ADAMTS9: variants seen among roughly 807,000 people sequenced by gnomAD.
ADAMTS9 encodes ADAM metallopeptidase with thrombospondin type 1 motif 9.
In ADAMTS9, 107 loss-of-function variants were observed where a neutral mutation model predicts 257.1. That is an observed-to-expected ratio of 0.42 (90% CI 0.36 to 0.49). ADAMTS9 has a LOEUF of 0.49. Among genes scored for constraint, ADAMTS9 ranks in the 20% least tolerant of loss-of-function variants. The pLI is 0.03. For synonymous variants in ADAMTS9, 982 were observed against 880.9 expected (o/e 1.11, Z -2.03); for missense variants, 2,353 against 2,469.1 (o/e 0.95, Z 1.00).
chr3:64,550,774 G>T, intron 31 of ADAMTS9, 118 bp downstream of exon 31: 1 of 1,278,338 alleles, frequency 7.8e-7, no homozygotes, highest in Non-Finnish European at 1.1e-6. Context: ...GTTCACAGTG[G>T]CAAATCGGGC....
intron 22 of ADAMTS9, among the ~76,000 whole-genome samples, chr3:64,612,036 T>A (rs559184429): frequency 5.3e-4 from 81 of 152,264 alleles, no homozygotes; most frequent in African/African-American, 1.8e-3. Flanking sequence ...TAGAAGCAAA[T>A]CATAAACATG....
At chr3:64,662,253 C>T (rs1450773769) in intron 3 of ADAMTS9, among the ~76,000 whole-genome samples, 1 of 152,022 alleles carries the variant, frequency 6.6e-6, no homozygotes, top group Non-Finnish European at 1.5e-5. Context: ...AATTTTGTTA[C>T]ATTGTGATCA....
intron 23 of ADAMTS9, among the ~76,000 whole-genome samples, chr3:64,606,255 A>C (rs1385006052): frequency 6.6e-6 from 1 of 152,190 alleles, no homozygotes; most frequent in East Asian, 1.9e-4. Flanking sequence ...TTTCTCCATT[A>C]CTTTCTTAAG....
chr3:64,584,352 G>T (rs1465855903), intron 28 of ADAMTS9, among the ~76,000 whole-genome samples: 2 of 152,114 alleles, frequency 1.3e-5, no homozygotes, highest in Non-Finnish European at 2.9e-5. Context: ...CAGTTTAGCT[G>T]CATGGGTGGG....
chr3:64,683,407 A>G (rs980046743), intron 2 of ADAMTS9, among the ~76,000 whole-genome samples: 4 of 152,238 alleles, frequency 2.6e-5, no homozygotes, highest in African/African-American at 9.6e-5. Context: ...GAACAGGATC[A>G]GTCTCTGGTC....
chr3:64,650,329 C>G (rs1308817000), intron 9 of ADAMTS9: 1 of 152,568 alleles, frequency 6.6e-6, no homozygotes, highest in Non-Finnish European at 1.5e-5. Flanking sequence ...CTCCTCTTCC[C>G]CGTGGTTGCA....
chr3:64,629,288 CAT>C (rs2106884510), intron 16 of ADAMTS9, among the ~76,000 whole-genome samples: 1 of 152,308 alleles, frequency 6.6e-6, no homozygotes, highest in South Asian at 2.1e-4. Flanking sequence ...CCTTTAAAAA[CAT>C]AAATGCAGTA....
At chr3:64,550,687 C>T in intron 31 of ADAMTS9, 1 of 593,234 alleles carries the variant, frequency 1.7e-6, no homozygotes, top group Non-Finnish European at 2.9e-6. Context: ...ACTTAGAGAC[C>T]ATCTCTTACA....
intron 28 of ADAMTS9, among the ~76,000 whole-genome samples, chr3:64,569,552 A>G (rs941775907): frequency 1.3e-5 from 2 of 152,252 alleles, no homozygotes; most frequent in African/African-American, 4.8e-5. Context: ...AATTACCAAC[A>G]TGCCCTTTTA....
intron 38 of ADAMTS9, among the ~76,000 whole-genome samples, chr3:64,530,986 T>C (rs183708339): frequency 3.0e-3 from 454 of 152,286 alleles, no homozygotes; most frequent in Non-Finnish European, 5.1e-3. Flanking sequence ...GAAAGAACAT[T>C]ATAATTTCGG....
chr3:64,564,531 A>T (rs74682296), intron 29 of ADAMTS9, among the ~76,000 whole-genome samples: 152 of 152,246 alleles, frequency 1.0e-3, no homozygotes, highest in African/African-American at 3.5e-3. Context: ...TTTACTAAAC[A>T]CTTACTATAT....
At chr3:64,608,547 C>T (rs780567149) in intron 22 of ADAMTS9, among the ~76,000 whole-genome samples, 34 of 151,926 alleles carry the variant, frequency 2.2e-4, no homozygotes, top group African/African-American at 3.1e-4. Context: ...TGCCAACTTA[C>T]GCAGATTGCC....
chr3:64,552,391 G>C (rs1417834976), intron 30 of ADAMTS9, among the ~76,000 whole-genome samples: 1 of 152,092 alleles, frequency 6.6e-6, no homozygotes, highest in Non-Finnish European at 1.5e-5. Context: ...TGTATCTAAA[G>C]CCTCTGTGTC....
At chr3:64,595,800 C>T (rs976278566) in intron 27 of ADAMTS9, among the ~76,000 whole-genome samples, 2 of 71,162 alleles carry the variant, frequency 2.8e-5, no homozygotes, top group Admixed American at 1.6e-4. Flanking sequence ...TGTCTTTTTC[C>T]CCCCCTTGGC....
At chr3:64,598,817 T>A (rs1284289161) in intron 26 of ADAMTS9, among the ~76,000 whole-genome samples, 1 of 152,162 alleles carries the variant, frequency 6.6e-6, no homozygotes, top group Non-Finnish European at 1.5e-5. Flanking sequence ...TCCTTTATTA[T>A]GTCACCTGTC....
intron 39 of ADAMTS9, among the ~76,000 whole-genome samples, chr3:64,519,748 C>G (rs1161568515): frequency 6.6e-6 from 1 of 152,068 alleles, no homozygotes; most frequent in Admixed American, 6.6e-5. Context: ...ATCCAACATC[C>G]CTTCATGATA....
At chr3:64,593,960 G>GT (rs1553707054) in intron 28 of ADAMTS9, among the ~76,000 whole-genome samples, 90 of 69,388 alleles carry the variant, frequency 1.3e-3, no homozygotes, top group African/African-American at 3.9e-3. Context: ...GTGTGTGTAT[G>GT]ATGTGTGTGT....
intron 16 of ADAMTS9, among the ~76,000 whole-genome samples, chr3:64,630,963 G>A (rs1306119491): frequency 6.6e-6 from 1 of 152,138 alleles, no homozygotes; most frequent in South Asian, 2.1e-4. Context: ...GTAATGACTT[G>A]AGAAAAATAC....
At chr3:64,639,489 C>A (rs1262354935) in intron 12 of ADAMTS9, among the ~76,000 whole-genome samples, 1 of 151,912 alleles carries the variant, frequency 6.6e-6, no homozygotes, top group Non-Finnish European at 1.5e-5. Flanking sequence ...CTAGCCCATT[C>A]CAATTACGGA....
Sources: allele counts gnomAD v4.1 joint callset (sites outside exome capture counted in the v4.1 genomes callset), GRCh38; gene constraint gnomAD v4.1.1; transcripts MANE v1.5; gene names NCBI Gene and HGNC (gene_info 2026-07-23, HGNC 2026-07-21).